DDX41: variants seen among roughly 807,000 people sequenced by gnomAD.
DDX41 encodes DEAD-box helicase 41, also known as probable ATP-dependent RNA helicase DDX41.
In DDX41, 50 loss-of-function variants were observed where a neutral mutation model predicts 78.8. The observed-to-expected ratio is 0.63, with a 90% confidence interval of 0.51 to 0.80. The LOEUF (loss-of-function observed/expected upper bound fraction) is 0.80. Ranked by LOEUF, DDX41 falls within the 30% of genes least tolerant of loss-of-function variation. The pLI, the probability that DDX41 is intolerant of heterozygous loss-of-function variation, is 0.00. For missense variants in DDX41, 633 were observed against 849.2 expected (o/e 0.75, Z 3.16); for synonymous variants, 381 against 321.5 (o/e 1.19, Z -1.98).
intron 5 of DDX41, 45 bp downstream of exon 5, chr5:177,515,884 A>G (rs1406976134): frequency 1.9e-6 from 3 of 1,614,174 alleles, no homozygotes; most frequent in Admixed American, 3.3e-5. Context: ...GCATCCCTGC[A>G]TGTACCATCC....
At chr5:177,515,843 C>T in intron 5 of DDX41, 22 bp from the exon 6 acceptor site, 1 of 1,614,152 alleles carries the variant, frequency 6.2e-7, no homozygotes, top group East Asian at 2.2e-5. Context: ...TAACAGGGAT[C>T]AAGAGAGCCC....
intron 5 of DDX41, 50 bp downstream of exon 5, chr5:177,515,879 C>T (rs1175326898): frequency 4.3e-6 from 7 of 1,614,124 alleles, no homozygotes; most frequent in Non-Finnish European, 5.9e-6. Flanking sequence ...TGGGAGCATC[C>T]CTGCATGTAC....
chr5:177,513,185 G>A lies in DDX41; in HGVS notation c.1231-103C>T. On this transcript the variant is annotated intron_variant, in intron 11 of 16. Coordinates refer to ENST00000330503, the MANE Select transcript of DDX41 (RefSeq NM_016222.4). The surrounding 1 kb of genome is among the most constrained non-coding windows in gnomAD (Gnocchi z 4.6). ...GACCAGGAGGTGACCAGAAGCCTCTGGCCGCCAAGGGCTGGTGCCCTAAAA... is the reference window on the plus strand; with the variant it reads ...GACCAGGAGGTGACCAGAAGCCTCTAGCCGCCAAGGGCTGGTGCCCTAAAA... 2 of 1,516,766 alleles carry A rather than the reference G, an allele frequency of 1.3e-6. No homozygotes were observed. Among genetic ancestry groups the A allele is most frequent in the African/African-American group, 1.4e-5 (1 of 72,478 alleles). 94.0% of individuals were successfully genotyped at this position (1,516,766 alleles called of 1,614,324 possible).
At chr5:177,515,429 A>T in intron 6 of DDX41, 171 bp from the exon 7 acceptor site, 1 of 898,188 alleles carries the variant, frequency 1.1e-6, no homozygotes, top group South Asian at 1.4e-5. Context: ...TCCAAGGCCC[A>T]CAGGCTAGGT....
Position 177,516,954 on chromosome 5 carries a change from G to A in DDX41, c.-9C>T, listed in dbSNP as rs1354542953. The A allele has an allele frequency of 1.9e-6, 3 of 1,608,442 alleles. No individual in the cohort carries two copies. The highest frequency in any genetic ancestry group is 2.7e-5 in the African/African-American group (2 of 74,834). On this transcript the variant is annotated 5_prime_UTR_variant, in exon 1 of 17. Transcript: ENST00000330503. ...GGTTCCGACTCCTCCATTCTTTGCTGCACGCATGCGCGCCACGGCGAAACC... is the reference window on the plus strand; with the variant it reads ...GGTTCCGACTCCTCCATTCTTTGCTACACGCATGCGCGCCACGGCGAAACC...
rs372373486 is a variant in DDX41 at position 177,515,370 on chromosome 5, C to CAG, written c.572-114_572-113dup. 3,608 of 969,362 alleles carry CAG rather than the reference C, an allele frequency of 3.7e-3. 2 individuals carry two copies. The highest frequency in any genetic ancestry group is 4.6e-3 in the Non-Finnish European group (2,865 of 620,698). The allele number at this position is 969,362 out of a possible 1,614,324, so 60.0% of individuals were successfully genotyped here. A position where few individuals can be genotyped will look rare whatever the true frequency, so the allele number is the denominator to read the frequency against. On this transcript the variant is annotated intron_variant, in intron 6 of 16. Transcript: ENST00000330503. ...AGTTGCAGATGATGAAACTGAGGCT[C>CAG]AGAGAGAGAGAGAGAGAGTGGAAAA...
At chr5:177,516,052 A>G in intron 4 of DDX41, 63 bp from the exon 5 acceptor site, 1 of 1,614,048 alleles carries the variant, frequency 6.2e-7, no homozygotes. Context: ...CCCTTGAGAT[A>G]TAACATGCCT....
intron 5 of DDX41, 45 bp from the exon 6 acceptor site, chr5:177,515,866 G>A: frequency 6.2e-7 from 1 of 1,614,156 alleles, no homozygotes; most frequent in South Asian, 1.1e-5. Context: ...GGAATAGCTG[G>A]CCTGGGAGCA....
chr5:177,513,843 C>A lies in DDX41; in HGVS notation c.940G>T (p.Val314Leu). 6.2e-7 allele frequency: 1 copy of A among 1,613,558 alleles called. No homozygotes were observed. The highest frequency in any genetic ancestry group is 2.2e-5 in the East Asian group (1 of 44,872). Residue 314 changes from valine (V) to leucine (L), a missense_variant, in exon 10 of 17, where the codon GTA becomes TTA. Val to Leu is a conservative substitution (Grantham distance 32, BLOSUM62 1). Coordinates refer to ENST00000330503, the MANE Select transcript of DDX41 (RefSeq NM_016222.4). This position sits in a 1 kb window ranked among gnomAD's most constrained non-coding sequence, Gnocchi z 4.6. ...CCCGGGGTGGCCACCATCATGTGTACACCGCTGGGGACCAAGGAGAGACCC... is the reference window on the plus strand; with the variant it reads ...CCCGGGGTGGCCACCATCATGTGTAAACCGCTGGGGACCAAGGAGAGACCC... ...KEQMETIRHG[V>L]HMMVATPGRL...
chr5:177,514,913 T>C lies in DDX41; in HGVS notation c.798+3A>G. 2.5e-6 allele frequency: 4 copies of C among 1,603,358 alleles called. No homozygotes were observed. Among genetic ancestry groups the C allele is most frequent in the Non-Finnish European group, 3.4e-6 (4 of 1,171,362 alleles). ...GCCTGCCCTCCAGGCCAGCCTATCTTACCGAGGGGCAGATGATGAGTCCAT... is the reference window on the plus strand; with the variant it reads ...GCCTGCCCTCCAGGCCAGCCTATCTCACCGAGGGGCAGATGATGAGTCCAT... On this transcript the variant is annotated splice_donor_region_variant and intron_variant, in intron 8 of 16. Transcript: ENST00000330503. This position sits in a 1 kb window ranked among gnomAD's most constrained non-coding sequence, Gnocchi z 4.2.
intron 15 of DDX41, 56 bp from the exon 16 acceptor site, chr5:177,512,262 T>C: frequency 6.2e-7 from 1 of 1,613,660 alleles, no homozygotes; most frequent in Non-Finnish European, 8.5e-7. Context: ...GGCCAGAACC[T>C]GGGTGGCCAC....
At chr5:177,515,648 T>TATAAA (rs768783327) in intron 6 of DDX41, 37 bp downstream of exon 6, 1 of 1,610,196 alleles carries the variant, frequency 6.2e-7, no homozygotes, top group Admixed American at 1.7e-5. Flanking sequence ...GGCATTTGAT[T>TATAAA]ATAAAAGTGT....
Position 177,516,416 on chromosome 5 carries a change from C to G in DDX41, c.170G>C (p.Gly57Ala). The change falls in exon 3 of 17, where the codon GGA becomes GCA. Residue 57 changes from glycine to alanine, a missense_variant. Physicochemically the swap from Gly to Ala is moderately conservative, Grantham distance 60. Around this residue, in one of 6 missense-constraint regions of DDX41, gnomAD observed 140 missense variants for 115.2 expected, o/e 1.22. Coordinates refer to ENST00000330503, the MANE Select transcript of DDX41 (RefSeq NM_016222.4). Reference protein sequence around the residue: ...LQKLLQRRRKGAAEEEQQDSG... With the variant: ...LQKLLQRRRKAAAEEEQQDSG... ...GTCCTGCTGCTCTTCCTCCGCAGCTCCCTTGCGTCTTCGCTGCAGCAGCTT... is the reference window on the plus strand; with the variant it reads ...GTCCTGCTGCTCTTCCTCCGCAGCTGCCTTGCGTCTTCGCTGCAGCAGCTT... The G allele has an allele frequency of 6.2e-7, 1 of 1,613,876 alleles. No homozygotes were observed. Among genetic ancestry groups the G allele is most frequent in the Non-Finnish European group, 8.5e-7 (1 of 1,180,032 alleles).
intron 2 of DDX41, 33 bp downstream of exon 2, chr5:177,516,692 G>T (rs557073330): frequency 1.3e-6 from 2 of 1,556,352 alleles, no homozygotes; most frequent in Admixed American, 1.9e-5. Flanking sequence ...CCGCGGTCAC[G>T]GCCCCATCCC....
chr5:177,514,140 C>G lies in DDX41; in HGVS notation c.936-293G>C, dbSNP rs1427678781. The G allele has an allele frequency of 1.7e-6, 1 of 591,884 alleles. No individual in the cohort carries two copies. The highest frequency in any genetic ancestry group is 3.2e-6 in the Non-Finnish European group (1 of 314,718). 36.7% of individuals were successfully genotyped at this position (591,884 alleles called of 1,614,324 possible). On this transcript the variant is annotated intron_variant, in intron 9 of 16. Coordinates refer to ENST00000330503, the MANE Select transcript of DDX41 (RefSeq NM_016222.4). The surrounding 1 kb of genome is among the most constrained non-coding windows in gnomAD (Gnocchi z 4.2). The stretch of plus-strand genomic sequence containing the variant: ...GAGGCTTTACTCTGGGCTCGCTTTC[C>G]TGGCCCACTGGCTTCACCTTTTCTG...
Position 177,511,922 on chromosome 5 carries a change from G to A in DDX41, c.1738C>T (p.Arg580Cys), listed in dbSNP as rs1195314927. 16 of 1,613,702 alleles carry A rather than the reference G, an allele frequency of 9.9e-6. No individual in the cohort carries two copies. Among genetic ancestry groups the A allele is most frequent in the Non-Finnish European group, 1.2e-5 (14 of 1,180,040 alleles). The part of the protein sequence containing the change: ...DESMLDIGGE[R>C]GCAFCGGLGH... ...AGGCCCCCGCAGAAGGCACAGCCGC[G>A]CTCTCCTGGGGGAATGGGGACAGGG... Residue 580 changes from arginine to cysteine, a missense_variant, in exon 17 of 17, where the codon CGC (arginine) becomes TGC (cysteine). Around this residue, in one of 6 missense-constraint regions of DDX41, gnomAD observed 185 missense variants for 367.4 expected, o/e 0.50. Transcript: ENST00000330503.
In DDX41 at chr5:177,513,657, G is replaced by A; in HGVS notation, c.1098+28C>T. ...GTGGCGTGCAGTGGGGGGCGGTGCA[G>A]GGTGCCCTGGCCGGGCGGGGGCGGC... On this transcript the variant is annotated intron_variant, in intron 10 of 16. Coordinates refer to ENST00000330503, the MANE Select transcript of DDX41 (RefSeq NM_016222.4). This position sits in a 1 kb window ranked among gnomAD's most constrained non-coding sequence, Gnocchi z 4.6. 2 of 1,612,250 alleles carry A rather than the reference G, an allele frequency of 1.2e-6. No homozygotes were observed. The highest frequency in any genetic ancestry group is 8.5e-7 in the Non-Finnish European group (1 of 1,179,442).
In DDX41 at chr5:177,513,910, C is replaced by T. The variant is rs531193623; in HGVS notation, c.936-63G>A. On this transcript the variant is annotated intron_variant, in intron 9 of 16. Coordinates refer to ENST00000330503, the MANE Select transcript of DDX41 (RefSeq NM_016222.4). This position sits in a 1 kb window ranked among gnomAD's most constrained non-coding sequence, Gnocchi z 4.6. ...GGCCTATCACCTATCTAGAGGCAAGCAGGCACCCTGCATCTGCTCTGCTCT... is the reference window on the plus strand; with the variant it reads ...GGCCTATCACCTATCTAGAGGCAAGTAGGCACCCTGCATCTGCTCTGCTCT... The T allele has an allele frequency of 6.5e-6, 10 of 1,537,416 alleles. No homozygotes were observed. In the African/African-American group the frequency reaches 8.2e-5, roughly 13 times the overall value.
rs1197510670 is a variant in DDX41, at chr5:177,514,244, G to A, written c.936-397C>T. 4.1e-6 allele frequency: 2 copies of A among 489,078 alleles called. No homozygotes were observed. The highest frequency in any genetic ancestry group is 8.0e-6 in the Non-Finnish European group (2 of 249,386). 30.3% of individuals were successfully genotyped at this position (489,078 alleles called of 1,614,324 possible). ...GGGTCTGGCCCATCTGTGAACAGAG[G>A]GCCTGGTCCAGGGCCTCTGGTGGTC... On this transcript the variant is annotated intron_variant, in intron 9 of 16. Transcript: ENST00000330503. The surrounding 1 kb of genome is among the most constrained non-coding windows in gnomAD (Gnocchi z 4.2).
Sources: gnomAD v4.1 joint callset for allele counts on GRCh38, gnomAD v4.1.1 for gene constraint, gnomAD v4.1.1 regional missense constraint, Gnocchi (gnomAD v3.1) non-coding constraint, MANE v1.5 for transcripts, NCBI Gene and HGNC (gene_info 2026-07-23, HGNC 2026-07-21) for gene names.